Variants in CDH13 observed in about 807,000 individuals in gnomAD.
CDH13 encodes the protein cadherin 13, also known as cadherin-13.
CDH13 carries 24 observed loss-of-function variants against 63.8 expected under a neutral mutation model. That is an observed-to-expected ratio of 0.38 (90% confidence interval 0.27 to 0.53). The LOEUF is 0.53. CDH13 is among the 20% of genes least tolerant of loss of function. CDH13 has a pLI of 0.85. For synonymous variants in CDH13, 503 were observed against 355.3 expected (o/e 1.42, Z -4.67); for missense variants, 1,049 against 903.1 (o/e 1.16, Z -2.07).
chr16:83,533,453 G>A (rs1483205642), intron 7 of CDH13, among the ~76,000 whole-genome samples: 1 of 152,128 alleles, frequency 6.6e-6, no homozygotes, highest in Non-Finnish European at 1.5e-5. Flanking sequence ...GAAGCCGACA[G>A]ACAGGAAGTC....
intron 1 of CDH13, among the ~76,000 whole-genome samples, chr16:82,704,533 A>G (rs1218336172): frequency 6.6e-6 from 1 of 152,180 alleles, no homozygotes; most frequent in African/African-American, 2.4e-5. Flanking sequence ...TAGACAGGCA[A>G]ATCAATAACC....
chr16:83,310,668 C>G (rs1369412687), intron 5 of CDH13, among the ~76,000 whole-genome samples: 2 of 152,188 alleles, frequency 1.3e-5, no homozygotes, highest in Admixed American at 6.5e-5. Flanking sequence ...TTCATTCCAT[C>G]AAAATGAACC....
chr16:83,528,126 C>G (rs1468487324), intron 7 of CDH13, among the ~76,000 whole-genome samples: 1 of 152,182 alleles, frequency 6.6e-6, no homozygotes, highest in East Asian at 1.9e-4. Context: ...CACACAGCCT[C>G]TTTAATAATC....
At chr16:82,991,762 C>G (rs1911684806) in intron 2 of CDH13, among the ~76,000 whole-genome samples, 1 of 152,086 alleles carries the variant, frequency 6.6e-6, no homozygotes, top group East Asian at 1.9e-4. Context: ...TGTCTATAAA[C>G]TGAGAGAATT....
chr16:82,850,746 G>A (rs552442078), intron 1 of CDH13, among the ~76,000 whole-genome samples: 18 of 152,148 alleles, frequency 1.2e-4, no homozygotes, highest in African/African-American at 3.1e-4. Flanking sequence ...CTTCACAACC[G>A]CCACCCTCAT....
intron 3 of CDH13, among the ~76,000 whole-genome samples, chr16:83,037,607 A>G (rs558520816): frequency 7.9e-5 from 12 of 152,320 alleles, no homozygotes; most frequent in African/African-American, 2.9e-4. Flanking sequence ...AAAGACGTCT[A>G]GTCAGGCTTG....
chr16:83,672,265 C>T (rs1427932845), intron 9 of CDH13, among the ~76,000 whole-genome samples: 2 of 152,142 alleles, frequency 1.3e-5, no homozygotes, highest in Admixed American at 6.5e-5. Flanking sequence ...ACATCCATTT[C>T]TCACAGTTCT....
Position 83,791,922 on chromosome 16 carries a change from G to A in CDH13, c.2135-3101G>A, listed in dbSNP as rs142027759. On this transcript the variant is annotated intron_variant, in intron 13 of 13. Coordinates refer to ENST00000567109, the MANE Select transcript of CDH13 (RefSeq NM_001257.5). ...ATAAAACAAAATGCATCCGTTGCAAGTGTACAGTTTGATGCATTTTGGTAA... is the reference window on the plus strand; with the variant it reads ...ATAAAACAAAATGCATCCGTTGCAAATGTACAGTTTGATGCATTTTGGTAA... Among the ~76,000 whole-genome samples, 35 of 152,004 alleles carry A rather than the reference G, an allele frequency of 2.3e-4. No homozygotes were observed. In the East Asian group the frequency reaches 6.4e-3, roughly 28 times the overall value.
chr16:82,708,728 G>T (rs142284601), intron 1 of CDH13, among the ~76,000 whole-genome samples: 8 of 152,128 alleles, frequency 5.3e-5, no homozygotes, highest in Non-Finnish European at 8.8e-5. Flanking sequence ...AGCTGTCTGC[G>T]CTTATCCAAT....
At chr16:82,917,799 C>T (rs1475858281) in intron 2 of CDH13, among the ~76,000 whole-genome samples, 1 of 151,276 alleles carries the variant, frequency 6.6e-6, no homozygotes, top group Non-Finnish European at 1.5e-5. Flanking sequence ...CCTGTTATCT[C>T]AGATACTTGG....
intron 1 of CDH13, among the ~76,000 whole-genome samples, chr16:82,683,328 CT>C (rs1242234422): frequency 2.6e-5 from 4 of 152,210 alleles, no homozygotes; most frequent in African/African-American, 9.7e-5. Flanking sequence ...AACCTCCCCG[CT>C]TTCTGGTTCC....
chr16:83,426,518 C>G (rs1014757540), intron 6 of CDH13, among the ~76,000 whole-genome samples: 1 of 146,886 alleles, frequency 6.8e-6, no homozygotes, highest in African/African-American at 2.5e-5. Flanking sequence ...ATCACACACA[C>G]ACACACACAC....
chr16:82,641,744 T>C (rs183585797), intron 1 of CDH13, among the ~76,000 whole-genome samples: 9 of 152,320 alleles, frequency 5.9e-5, no homozygotes, highest in South Asian at 4.1e-4. Context: ...TACTCAGCAC[T>C]GACTGAGTGC....
At chr16:83,327,426 G>T (rs2090389208) in intron 5 of CDH13, among the ~76,000 whole-genome samples, 2 of 152,204 alleles carry the variant, frequency 1.3e-5, no homozygotes, top group African/African-American at 4.8e-5. Context: ...TTTGTCTATT[G>T]ATCTGTCCTC....
intron 10 of CDH13, among the ~76,000 whole-genome samples, chr16:83,720,606 G>T (rs1303293948): frequency 6.6e-6 from 1 of 152,036 alleles, no homozygotes; most frequent in Non-Finnish European, 1.5e-5. Flanking sequence ...CACAAGGGGA[G>T]CCCAGAAATG....
intron 8 of CDH13, 91 bp from the exon 9 acceptor site, chr16:83,670,699 G>A: frequency 1.9e-6 from 2 of 1,050,212 alleles, no homozygotes. Flanking sequence ...TTTTAAGTGA[G>A]ATGATGTGTG....
chr16:83,179,571 G>A (rs2038265210), intron 4 of CDH13, among the ~76,000 whole-genome samples: 1 of 151,440 alleles, frequency 6.6e-6, no homozygotes, highest in Admixed American at 6.6e-5. Flanking sequence ...GGAATGGAGT[G>A]AACCCGGGAG....
At chr16:83,617,974 G>A (rs1909436060) in intron 8 of CDH13, among the ~76,000 whole-genome samples, 2 of 152,178 alleles carry the variant, frequency 1.3e-5, no homozygotes, top group African/African-American at 4.8e-5. Flanking sequence ...AAATTAGAAT[G>A]TAAGCTCCTC....
At chr16:83,271,844 T>C (rs1479511955) in intron 5 of CDH13, among the ~76,000 whole-genome samples, 1 of 152,244 alleles carries the variant, frequency 6.6e-6, no homozygotes, top group Non-Finnish European at 1.5e-5. Context: ...TCTGTGTCAC[T>C]GCACTTGGGA....
Sources: gnomAD v4.1 joint callset for allele counts (sites outside exome capture counted in the v4.1 genomes callset) on GRCh38, gnomAD v4.1.1 for gene constraint, MANE v1.5 for transcripts, NCBI Gene and HGNC (gene_info 2026-07-23, HGNC 2026-07-21) for gene names.